The following AKT3 variants were observed in gnomAD, a reference collection of about 807,000 sequenced individuals.
AKT3 encodes AKT serine/threonine kinase 3, also known as RAC-gamma serine/threonine-protein kinase.
In AKT3, 15 loss-of-function variants were observed where a neutral mutation model predicts 65.3. That is an observed-to-expected ratio of 0.23 (90% CI 0.15 to 0.35). The LOEUF (loss-of-function observed/expected upper bound fraction) is 0.35. Ranked by LOEUF, AKT3 falls within the 10% of genes least tolerant of loss-of-function variation. The pLI, the probability that AKT3 is intolerant of heterozygous loss-of-function variation, is 1.00. For missense variants in AKT3, 243 were observed against 576.5 expected (o/e 0.42, Z 5.92); for synonymous variants, 206 against 183.8 (o/e 1.12, Z -0.98).
intron 12 of AKT3, among the ~76,000 whole-genome samples, chr1:243,516,108 T>A (rs1320770450): frequency 1.3e-5 from 2 of 152,246 alleles, no homozygotes; most frequent in Non-Finnish European, 2.9e-5. Flanking sequence ...CCTTAAATGT[T>A]TGGTAGACTT....
At chr1:243,626,640 A>C (rs767125084) in intron 6 of AKT3, among the ~76,000 whole-genome samples, 18 of 152,204 alleles carry the variant, frequency 1.2e-4, no homozygotes, top group Non-Finnish European at 1.5e-4. Flanking sequence ...AGAAGGTAAA[A>C]AAGAAACCTT....
chr1:243,830,284 G>A (rs1004013543), intron 2 of AKT3, among the ~76,000 whole-genome samples: 8 of 152,128 alleles, frequency 5.3e-5, no homozygotes, highest in Non-Finnish European at 5.9e-5. Context: ...CAGGTTGTAT[G>A]CAAATACTAC....
chr1:243,628,945 CCATATGGT>C, intron 6 of AKT3, among the ~76,000 whole-genome samples: 1 of 152,312 alleles, frequency 6.6e-6, no homozygotes, highest in South Asian at 2.1e-4. Flanking sequence ...ATTTGCCTGG[CCATATGGT>C]CAGGCTGACA....
chr1:243,748,584 A>C (rs1446519370), intron 2 of AKT3, among the ~76,000 whole-genome samples: 3 of 152,224 alleles, frequency 2.0e-5, no homozygotes, highest in African/African-American at 7.2e-5. Flanking sequence ...CACAAACTTT[A>C]ATGTAGAATT....
At chr1:243,693,266 A>T (rs1351419334) in intron 3 of AKT3, among the ~76,000 whole-genome samples, 4 of 95,606 alleles carry the variant, frequency 4.2e-5, no homozygotes, top group Non-Finnish European at 9.1e-5. Flanking sequence ...ATATATATAT[A>T]TATATATATA....
intron 12 of AKT3, among the ~76,000 whole-genome samples, chr1:243,518,563 T>C (rs1420407982): frequency 6.6e-6 from 1 of 152,038 alleles, no homozygotes; most frequent in Admixed American, 6.5e-5. Context: ...AGGTGGAGGT[T>C]GCAGTGAGCC....
At chr1:243,512,291 G>T in intron 13 of AKT3, 33 bp downstream of exon 13, 2 of 1,182,070 alleles carry the variant, frequency 1.7e-6, no homozygotes, top group Non-Finnish European at 2.4e-6. Flanking sequence ...AATTATATTA[G>T]AAATTTATCA....
At chr1:243,752,217 A>C (rs1347066687) in intron 2 of AKT3, among the ~76,000 whole-genome samples, 1 of 152,236 alleles carries the variant, frequency 6.6e-6, no homozygotes, top group Non-Finnish European at 1.5e-5. Flanking sequence ...AAATACACTT[A>C]TCCAAAATCA....
At chr1:243,633,210 G>A (rs1572064483) in intron 6 of AKT3, among the ~76,000 whole-genome samples, 1 of 152,098 alleles carries the variant, frequency 6.6e-6, no homozygotes, top group Non-Finnish European at 1.5e-5. Flanking sequence ...AACTGAGGGA[G>A]TTCATTAGCA....
Position 243,570,099 on chromosome 1 carries a change from C to G in AKT3, c.819+2827G>C, listed in dbSNP as rs1401752002. Among the ~76,000 whole-genome samples the G allele has an allele frequency of 2.0e-5, 3 of 152,142 alleles. No individual in the cohort carries two copies. In the South Asian group the frequency reaches 6.2e-4, roughly 32 times the overall value. On this transcript the variant is annotated intron_variant, in intron 9 of 13. Transcript: ENST00000673466. ...AAAGGCTTCAACAATTTTTCTGTTG[C>G]TATAAACACTAATTTATTAGGAAAC...
chr1:243,809,601 A>C (rs1692992748), intron 2 of AKT3, among the ~76,000 whole-genome samples: 1 of 152,148 alleles, frequency 6.6e-6, no homozygotes, highest in Non-Finnish European at 1.5e-5. Flanking sequence ...TTAACACCCC[A>C]CTGTCAACAT....
intron 9 of AKT3, among the ~76,000 whole-genome samples, chr1:243,564,796 T>C (rs1243605996): frequency 6.6e-6 from 1 of 152,160 alleles, no homozygotes; most frequent in African/African-American, 2.4e-5. Context: ...TGAAAAAATA[T>C]ACAAAATGTG....
At chr1:243,595,817 T>C (rs563618260) in intron 8 of AKT3, among the ~76,000 whole-genome samples, 3 of 152,250 alleles carry the variant, frequency 2.0e-5, no homozygotes, top group African/African-American at 7.2e-5. Flanking sequence ...CCTGATGCTG[T>C]TTTACAGTTA....
Position 243,754,983 on chromosome 1 carries a change from G to GTC in AKT3, c.47-59269_47-59268dup, listed in dbSNP as rs1423877163. On this transcript the variant is annotated intron_variant, in intron 2 of 13. Coordinates refer to ENST00000673466, the MANE Select transcript of AKT3 (RefSeq NM_005465.7). Reference sequence around the variant, plus strand: ...GTCAAGAACCCTATTTTGACTTACAGTCTTCCAGCAGAGCAGCTTGATATG... The same window carrying GTC: ...GTCAAGAACCCTATTTTGACTTACAGTCTCTTCCAGCAGAGCAGCTTGATATG... 7.9e-5 allele frequency among the ~76,000 whole-genome samples: 12 copies of GTC among 152,342 alleles called. No individual in the cohort carries two copies. In the East Asian group the frequency reaches 2.3e-3, roughly 29 times the overall value.
chr1:243,720,714 A>C (rs1262510008), intron 2 of AKT3, among the ~76,000 whole-genome samples: 1 of 152,164 alleles, frequency 6.6e-6, no homozygotes. Flanking sequence ...TAAAGTAGAT[A>C]AATATTAAGG....
chr1:243,625,209 G>A (rs1440134449), intron 6 of AKT3, among the ~76,000 whole-genome samples: 2 of 135,150 alleles, frequency 1.5e-5, no homozygotes, highest in African/African-American at 5.7e-5. Flanking sequence ...TCAGATCACT[G>A]CAACCTCTGC....
In AKT3 at chr1:243,613,658, C is replaced by T. The variant is rs2148604263; in HGVS notation, c.696+13G>A. 6.4e-7 allele frequency: 1 copy of T among 1,568,048 alleles called. No individual in the cohort carries two copies. Among genetic ancestry groups the T allele is most frequent in the African/African-American group, 1.4e-5 (1 of 73,524 alleles). On this transcript the variant is annotated intron_variant, in intron 8 of 13. Transcript: ENST00000673466. Reference sequence around the variant, plus strand: ...TACTACCATGCAAATACTGGATTTACTTCTTGACTCACCTCGCCCCCATTA... The same window carrying T: ...TACTACCATGCAAATACTGGATTTATTTCTTGACTCACCTCGCCCCCATTA...
intron 2 of AKT3, among the ~76,000 whole-genome samples, chr1:243,716,066 T>C (rs997091442): frequency 3.9e-5 from 6 of 152,142 alleles, no homozygotes; most frequent in Admixed American, 1.3e-4. Flanking sequence ...AAAATTTGTC[T>C]GTAAGGAAAA....
At chr1:243,594,901 AAGAT>A (rs1676489238) in intron 8 of AKT3, among the ~76,000 whole-genome samples, 1 of 152,142 alleles carries the variant, frequency 6.6e-6, no homozygotes, top group Non-Finnish European at 1.5e-5. Flanking sequence ...CTTTCAATGA[AAGAT>A]AGTGAAAGAA....
Sources: gnomAD v4.1 joint callset for allele counts (sites outside exome capture counted in the v4.1 genomes callset) on GRCh38, gnomAD v4.1.1 for gene constraint, MANE v1.5 for transcripts, NCBI Gene and HGNC (gene_info 2026-07-23, HGNC 2026-07-21) for gene names.